The following MYO6 variants were observed in gnomAD, a reference collection of about 807,000 sequenced individuals.
The protein encoded by MYO6 is myosin VI.
In MYO6, 74 loss-of-function variants were observed where a neutral mutation model predicts 178.7. That is an observed-to-expected ratio of 0.41 (90% CI 0.34 to 0.50). The LOEUF is 0.50. MYO6 is among the 20% of genes least tolerant of loss of function. MYO6 has a pLI of 0.09. For missense variants in MYO6, 1,330 were observed against 1,547.4 expected (o/e 0.86, Z 2.36); for synonymous variants, 477 against 504.6 (o/e 0.95, Z 0.73).
At chr6:75,907,227 T>G (rs1399344299) in intron 30 of MYO6, among the ~76,000 whole-genome samples, 1 of 152,224 alleles carries the variant, frequency 6.6e-6, no homozygotes, top group Non-Finnish European at 1.5e-5. Context: ...CTTTTAATGA[T>G]CTTTCAAGTG....
At chr6:75,861,703 T>C (rs995859843) in intron 15 of MYO6, among the ~76,000 whole-genome samples, 9 of 152,230 alleles carry the variant, frequency 5.9e-5, no homozygotes, top group Non-Finnish European at 1.5e-5. Flanking sequence ...TTAAAACAGT[T>C]TGATAATCCT....
In MYO6 at chr6:75,839,430, C is replaced by T. The variant is rs143870899; in HGVS notation, c.554-1155C>T. 3.2e-3 allele frequency among the ~76,000 whole-genome samples: 481 copies of T among 152,206 alleles called. 2 individuals carry two copies. Among genetic ancestry groups the T allele is most frequent in the African/African-American group, 0.01 (434 of 41,534 alleles). On this transcript the variant is annotated intron_variant, in intron 7 of 34. Coordinates refer to ENST00000369977, the MANE Select transcript of MYO6 (RefSeq NM_004999.4). ...GTCTCGATCTTCAGCCCTCGAGATC[C>T]GCCTGCCTCGGCCTCCCAGAGTGCT...
chr6:75,914,249 A>T lies in MYO6; in HGVS notation c.3626A>T (p.His1209Leu). Residue 1209 changes from histidine to leucine, a missense_variant, in exon 34 of 35, where the codon CAT becomes CTT. This residue lies in a region of MYO6 where 601 missense variants were observed against 626.1 expected (regional missense o/e 0.96). Transcript: ENST00000369977. ...GPWIARQMEL[H>L]PDKPPILLVA... is the part of the protein sequence containing the mutation. The stretch of plus-strand genomic sequence containing the variant: ...TGGATTGCCCGGCAAATGGAACTCC[A>T]TCCTGACAAGCCACCCATCCTACTT... The T allele has an allele frequency of 6.2e-7, 1 of 1,614,236 alleles. No individual in the cohort carries two copies. Among genetic ancestry groups the T allele is most frequent in the Non-Finnish European group, 8.5e-7 (1 of 1,180,038 alleles).
At chr6:75,902,653 T>C (rs1581966445) in intron 30 of MYO6, among the ~76,000 whole-genome samples, 1 of 152,260 alleles carries the variant, frequency 6.6e-6, no homozygotes, top group East Asian at 1.9e-4. Context: ...TCTATCAATT[T>C]TGTTGATCCT....
At chr6:75,763,261 T>C (rs1778110916) in intron 1 of MYO6, among the ~76,000 whole-genome samples, 1 of 152,072 alleles carries the variant, frequency 6.6e-6, no homozygotes, top group Non-Finnish European at 1.5e-5. Context: ...CCTGACCTCA[T>C]GATCCACCCA....
chr6:75,755,165 C>T (rs554539065), intron 1 of MYO6, among the ~76,000 whole-genome samples: 1 of 152,148 alleles, frequency 6.6e-6, no homozygotes, highest in Non-Finnish European at 1.5e-5. Context: ...CCCAAGAGGT[C>T]AAGGCTGCAG....
In MYO6 at chr6:75,886,419, A is replaced by AT. The variant is rs35909642; in HGVS notation, c.2507+331dup. On this transcript the variant is annotated intron_variant, in intron 24 of 34. Coordinates refer to ENST00000369977, the MANE Select transcript of MYO6 (RefSeq NM_004999.4). ...AGTTTCTTGATAATGTCAAGGTGAC[A>AT]TTTTTTAAAAAACATCTCACTAATA... is the stretch of plus-strand genomic sequence containing the variant. 3.6e-3 allele frequency among the ~76,000 whole-genome samples: 537 copies of AT among 149,264 alleles called. 2 individuals carry two copies. The highest frequency in any genetic ancestry group is 0.012 in the African/African-American group (496 of 41,050).
intron 30 of MYO6, among the ~76,000 whole-genome samples, chr6:75,904,250 A>G (rs1354417645): frequency 6.7e-6 from 1 of 149,488 alleles, no homozygotes; most frequent in Non-Finnish European, 1.5e-5. Flanking sequence ...CGTTCTCTGT[A>G]TTTCCTGAAT....
intron 1 of MYO6, among the ~76,000 whole-genome samples, chr6:75,762,277 C>CT (rs1043084850): frequency 1.3e-5 from 2 of 152,166 alleles, no homozygotes; most frequent in African/African-American, 4.8e-5. Flanking sequence ...TATGCCGTCA[C>CT]TTTGAGTGTT....
chr6:75,907,769 A>C, intron 31 of MYO6, 61 bp downstream of exon 31: 1 of 1,291,496 alleles, frequency 7.7e-7, no homozygotes, highest in Non-Finnish European at 1.1e-6. Context: ...ATAAATACCT[A>C]GATTAGGGTG....
intron 16 of MYO6, among the ~76,000 whole-genome samples, chr6:75,866,216 A>G (rs1296141873): frequency 6.6e-6 from 1 of 151,190 alleles, no homozygotes; most frequent in African/African-American, 2.4e-5. Flanking sequence ...TATTACAAGC[A>G]TGTTCTTTTA....
intron 25 of MYO6, 80 bp from the exon 26 acceptor site, chr6:75,889,977 C>A: frequency 3.3e-5 from 32 of 956,278 alleles, no homozygotes; most frequent in East Asian, 5.2e-5. Context: ...GTTTATAATT[C>A]AGTATTGTTA....
intron 1 of MYO6, among the ~76,000 whole-genome samples, chr6:75,758,725 T>G (rs1777692739): frequency 6.6e-6 from 1 of 152,224 alleles, no homozygotes. Flanking sequence ...CCCAGAGTGT[T>G]GGGATTACAG....
chr6:75,767,318 G>A (rs1312749245), intron 1 of MYO6, among the ~76,000 whole-genome samples: 1 of 151,998 alleles, frequency 6.6e-6, no homozygotes, highest in African/African-American at 2.4e-5. Flanking sequence ...GAGCCACTAT[G>A]CCTGGCCCTC....
At chr6:75,856,351 G>A (rs1775714029) in intron 12 of MYO6, among the ~76,000 whole-genome samples, 1 of 151,966 alleles carries the variant, frequency 6.6e-6, no homozygotes, top group African/African-American at 2.4e-5. Context: ...TATATATAGC[G>A]TGTCCACATG....
intron 19 of MYO6, among the ~76,000 whole-genome samples, chr6:75,871,348 A>C (rs1562269464): frequency 6.6e-6 from 1 of 152,072 alleles, no homozygotes; most frequent in Non-Finnish European, 1.5e-5. Context: ...CTCTCTGGTT[A>C]AAGTGGTCCT....
At chr6:75,790,968 G>C (rs889188598) in intron 1 of MYO6, among the ~76,000 whole-genome samples, 1 of 151,850 alleles carries the variant, frequency 6.6e-6, no homozygotes, top group Admixed American at 6.6e-5. Context: ...GAATCTTGCT[G>C]TGTGGCCCAG....
intron 1 of MYO6, among the ~76,000 whole-genome samples, chr6:75,774,592 A>G (rs1766197162): frequency 1.3e-5 from 2 of 152,124 alleles, no homozygotes; most frequent in South Asian, 4.1e-4. Flanking sequence ...CTTTTCATGT[A>G]ACAATTGTCT....
intron 1 of MYO6, among the ~76,000 whole-genome samples, chr6:75,809,973 C>T (rs189551762): frequency 2.5e-4 from 37 of 149,882 alleles, no homozygotes; most frequent in African/African-American, 8.8e-4. Context: ...AGTCCTAGCT[C>T]CTGTAGAGGC....
Sources: gnomAD v4.1 joint callset for allele counts (sites outside exome capture counted in the v4.1 genomes callset) on GRCh38, gnomAD v4.1.1 for gene constraint, gnomAD v4.1.1 regional missense constraint, MANE v1.5 for transcripts, NCBI Gene and HGNC (gene_info 2026-07-23, HGNC 2026-07-21) for gene names.